SSBP3: variants seen among roughly 807,000 people sequenced by gnomAD.
SSBP3 encodes the protein single stranded DNA binding protein 3, also known as single-stranded DNA-binding protein 3.
A neutral mutation model predicts 69.6 loss-of-function variants in SSBP3; 5 were observed. The observed-to-expected ratio is 0.07, with a 90% confidence interval of 0.04 to 0.15. The LOEUF is 0.15. Among genes scored for constraint, SSBP3 ranks in the 10% least tolerant of loss-of-function variants. The pLI is 1.00. For missense variants in SSBP3, 312 were observed against 534.0 expected (o/e 0.58, Z 4.10); for synonymous variants, 196 against 193.4 (o/e 1.01, Z -0.11).
intron 4 of SSBP3, among the ~76,000 whole-genome samples, chr1:54,305,521 C>A (rs1645882880): frequency 6.6e-6 from 1 of 151,892 alleles, no homozygotes; most frequent in South Asian, 2.1e-4. Flanking sequence ...AAGTTTCAGG[C>A]TCCAGGCCAC....
At chr1:54,354,444 C>T (rs1646831490) in intron 4 of SSBP3, among the ~76,000 whole-genome samples, 1 of 152,210 alleles carries the variant, frequency 6.6e-6, no homozygotes, top group Non-Finnish European at 1.5e-5. Context: ...AGACACGAGG[C>T]AGTGGGTGAA....
At chr1:54,382,292 C>G (rs539681387) in intron 4 of SSBP3, among the ~76,000 whole-genome samples, 13 of 152,324 alleles carry the variant, frequency 8.5e-5, no homozygotes, top group Admixed American at 8.5e-4. Flanking sequence ...CCAGGCTGGT[C>G]TTGAACTCCT....
chr1:54,236,967 A>G (rs1163290834), intron 14 of SSBP3: 2 of 152,224 alleles, frequency 1.3e-5, no homozygotes, highest in Non-Finnish European at 2.9e-5. Flanking sequence ...AATTTGCTCA[A>G]ATTAACTGTG....
At chr1:54,392,744 T>A (rs778006657) in intron 4 of SSBP3, among the ~76,000 whole-genome samples, 1 of 152,134 alleles carries the variant, frequency 6.6e-6, no homozygotes, top group African/African-American at 2.4e-5. Context: ...AGACCTGCAA[T>A]AGGCCCCAGG....
At chr1:54,259,033 CA>C (rs1012865692) in intron 5 of SSBP3, among the ~76,000 whole-genome samples, 19 of 152,234 alleles carry the variant, frequency 1.2e-4, no homozygotes, top group African/African-American at 4.3e-4. Context: ...GAGCTGGGGA[CA>C]GGGGGAAGTG....
intron 4 of SSBP3, among the ~76,000 whole-genome samples, chr1:54,372,219 C>A (rs1302481774): frequency 6.6e-6 from 1 of 152,202 alleles, no homozygotes; most frequent in Non-Finnish European, 1.5e-5. Context: ...TGGGGTAATA[C>A]CTGCCTTGCA....
intron 4 of SSBP3, among the ~76,000 whole-genome samples, chr1:54,388,822 A>G (rs1305903755): frequency 6.6e-6 from 1 of 152,172 alleles, no homozygotes; most frequent in Non-Finnish European, 1.5e-5. Context: ...GATGGGCCTA[A>G]AGAGAGCTCA....
intron 5 of SSBP3, among the ~76,000 whole-genome samples, chr1:54,279,655 G>A (rs988308976): frequency 6.6e-6 from 1 of 152,210 alleles, no homozygotes; most frequent in African/African-American, 2.4e-5. Flanking sequence ...GAACATCCAT[G>A]GCATGTGAGC....
chr1:54,228,082 A>T (rs946730769), intron 17 of SSBP3, among the ~76,000 whole-genome samples, 173 bp downstream of exon 17: 2 of 152,336 alleles, frequency 1.3e-5, no homozygotes, highest in African/African-American at 4.8e-5. Context: ...AGGCAGTCTC[A>T]GGGCAGCGTC....
At chr1:54,375,802 C>T (rs953952394) in intron 4 of SSBP3, among the ~76,000 whole-genome samples, 8 of 152,224 alleles carry the variant, frequency 5.3e-5, no homozygotes, top group African/African-American at 1.4e-4. Flanking sequence ...CAGGCGGCTG[C>T]GGTGGCCCTG....
chr1:54,353,091 G>A (rs1386312697), intron 4 of SSBP3, among the ~76,000 whole-genome samples: 3 of 152,170 alleles, frequency 2.0e-5, no homozygotes, highest in Non-Finnish European at 2.9e-5. Flanking sequence ...TCGCCTGCAC[G>A]GGGGCTCCAG....
Position 54,366,001 on chromosome 1 carries a change from A to C in SSBP3, c.276+35860T>G, listed in dbSNP as rs974015537. Among the ~76,000 whole-genome samples, 4 of 152,122 alleles carry C rather than the reference A, an allele frequency of 2.6e-5. No individual in the cohort carries two copies. The South Asian group carries it at 8.3e-4, about 32-fold the overall frequency. The stretch of plus-strand genomic sequence containing the variant: ...CTCACGGAGTTACTGATATGGGCTA[A>C]ATTAGTTTACACAGACCACTCAGAA... On this transcript the variant is annotated intron_variant, in intron 4 of 17. Transcript: ENST00000610401.
chr1:54,326,755 T>C (rs1304464616), intron 4 of SSBP3, among the ~76,000 whole-genome samples: 1 of 152,186 alleles, frequency 6.6e-6, no homozygotes, highest in Non-Finnish European at 1.5e-5. Context: ...AGCTCTTCCA[T>C]CATTTCCGTG....
rs1644958718 is a variant in SSBP3 at position 54,258,304 on chromosome 1, C to A, written c.367-155G>T. On this transcript the variant is annotated intron_variant, in intron 5 of 17. Coordinates refer to ENST00000610401, the Ensembl canonical transcript of SSBP3. The surrounding 1 kb of genome is among the most constrained non-coding windows in gnomAD (Gnocchi z 4.5). ...TTGGTGGGAGGTGGTGGAGCTGCTG[C>A]TTTGGTCGCCGGCTCAACGGTGTAA... 6.6e-6 allele frequency among the ~76,000 whole-genome samples: 1 copy of A among 151,660 alleles called. No homozygotes were observed. Among genetic ancestry groups the A allele is most frequent in the Non-Finnish European group, 1.5e-5 (1 of 67,924 alleles).
At chr1:54,260,812 G>A (rs951603083) in intron 5 of SSBP3, among the ~76,000 whole-genome samples, 2 of 152,196 alleles carry the variant, frequency 1.3e-5, no homozygotes, top group African/African-American at 4.8e-5. Flanking sequence ...CCTCTGACTT[G>A]GAGCTAGGGG....
intron 4 of SSBP3, among the ~76,000 whole-genome samples, chr1:54,342,686 C>T (rs977539873): frequency 4.6e-5 from 7 of 152,222 alleles, no homozygotes; most frequent in African/African-American, 1.7e-4. Flanking sequence ...AGCCTTGAAA[C>T]CTTGGACAAG....
chr1:54,272,627 C>A (rs1645214544), intron 5 of SSBP3, among the ~76,000 whole-genome samples: 1 of 152,202 alleles, frequency 6.6e-6, no homozygotes, highest in Admixed American at 6.5e-5. Flanking sequence ...GGTCTCCACT[C>A]CCATCCCCCT....
chr1:54,288,211 C>CA (rs1260769593), intron 4 of SSBP3, among the ~76,000 whole-genome samples: 3 of 152,300 alleles, frequency 2.0e-5, no homozygotes, highest in African/African-American at 7.2e-5. Context: ...ATTATTAAGA[C>CA]AAAAGAGTCC....
At chr1:54,299,502 CTTT>C (rs35333516) in intron 4 of SSBP3, among the ~76,000 whole-genome samples, 1 of 145,848 alleles carries the variant, frequency 6.9e-6, no homozygotes. Flanking sequence ...ATAGAGGTGG[CTTT>C]TTTTTTTTTT....
Sources: gnomAD v4.1 joint callset for allele counts (sites outside exome capture counted in the v4.1 genomes callset) on GRCh38, gnomAD v4.1.1 for gene constraint, Gnocchi (gnomAD v3.1) non-coding constraint, MANE v1.5 for transcripts, NCBI Gene and HGNC (gene_info 2026-07-23, HGNC 2026-07-21) for gene names.